Variants in RPRD1B observed in about 807,000 individuals in gnomAD.
The protein encoded by RPRD1B is regulation of nuclear pre-mRNA domain-containing protein 1B.
A neutral mutation model predicts 41.5 loss-of-function variants in RPRD1B; 11 were observed. The ratio of observed to expected loss-of-function variants is 0.27; its 90% confidence interval spans 0.17 to 0.44. RPRD1B has a LOEUF of 0.44. RPRD1B is among the 20% of genes least tolerant of loss of function. The probability of loss-of-function intolerance (pLI) is 1.00; values close to 1 mark genes in which losing one functional copy is unlikely to be tolerated. For missense variants in RPRD1B, 248 were observed against 389.9 expected (o/e 0.64, Z 3.06); for synonymous variants, 158 against 155.6 (o/e 1.02, Z -0.12).
At chr20:38,069,336 G>C (rs2122743081) in intron 6 of RPRD1B, among the ~76,000 whole-genome samples, 1 of 152,304 alleles carries the variant, frequency 6.6e-6, no homozygotes, top group East Asian at 1.9e-4. Context: ...CAAACCACTT[G>C]ATCGTACATA....
rs988250198 is a variant in RPRD1B, at chr20:38,091,996, A to C, written c.*2121A>C. 4 of 985,678 alleles carry C rather than the reference A, an allele frequency of 4.1e-6. No individual in the cohort carries two copies. Among genetic ancestry groups the C allele is most frequent in the Non-Finnish European group, 4.8e-6 (4 of 829,912 alleles). 61.1% of individuals were successfully genotyped at this position (985,678 alleles called of 1,614,324 possible). On this transcript the variant is annotated 3_prime_UTR_variant, in exon 7 of 7. Coordinates refer to ENST00000373433, the MANE Select transcript of RPRD1B (RefSeq NM_021215.4). The stretch of plus-strand genomic sequence containing the variant: ...TTTGATGAAATGCTTTCGTTTTTTA[A>C]ATCTTAATTCTGCTGTCCACATCCT...
At chr20:38,044,155 G>A (rs1411706764) in intron 2 of RPRD1B, among the ~76,000 whole-genome samples, 6 of 152,236 alleles carry the variant, frequency 3.9e-5, no homozygotes, top group South Asian at 2.1e-4. Context: ...TGCAGTACCC[G>A]CAGCAGACTG....
intron 6 of RPRD1B, among the ~76,000 whole-genome samples, chr20:38,078,368 T>G (rs2074484095): frequency 6.6e-6 from 1 of 152,180 alleles, no homozygotes; most frequent in Non-Finnish European, 1.5e-5. Flanking sequence ...TTGTTTACTT[T>G]CCATCAGTTA....
At chr20:38,056,424 T>C (rs1169872853) in intron 3 of RPRD1B, among the ~76,000 whole-genome samples, 4 of 152,134 alleles carry the variant, frequency 2.6e-5, no homozygotes. Context: ...CTCATGATAT[T>C]GACCTGGCTT....
At chr20:38,061,465 TCTG>T (rs1223214931) in intron 5 of RPRD1B, among the ~76,000 whole-genome samples, 2 of 152,232 alleles carry the variant, frequency 1.3e-5, no homozygotes, top group African/African-American at 4.8e-5. Context: ...GTGTATTAGA[TCTG>T]CTCCTTCTCA....
chr20:38,065,287 G>GT (rs1347142618), intron 5 of RPRD1B, among the ~76,000 whole-genome samples: 1 of 151,996 alleles, frequency 6.6e-6, no homozygotes, highest in Non-Finnish European at 1.5e-5. Flanking sequence ...CTGTCATGTA[G>GT]TTTTTTTTCT....
At chr20:38,062,663 A>C (rs1429336605) in intron 5 of RPRD1B, among the ~76,000 whole-genome samples, 1 of 152,020 alleles carries the variant, frequency 6.6e-6, no homozygotes, top group Non-Finnish European at 1.5e-5. Context: ...GATTTATTGC[A>C]GTAGCCTCCC....
intron 5 of RPRD1B, among the ~76,000 whole-genome samples, chr20:38,062,704 T>A (rs2074309974): frequency 6.6e-6 from 1 of 152,066 alleles, no homozygotes; most frequent in South Asian, 2.1e-4. Flanking sequence ...TTGTTCCTCT[T>A]GCTCAGCCAT....
intron 6 of RPRD1B, among the ~76,000 whole-genome samples, chr20:38,072,730 C>G (rs2074424469): frequency 6.6e-6 from 1 of 152,106 alleles, no homozygotes. Context: ...TTTACTGATG[C>G]ATTTGATATT....
At position 38,038,480 on chromosome 20, in the gene RPRD1B, T is replaced by TTTTTGTTTTG. The variant is rs1395411806; in HGVS notation, c.152-1950_152-1941dup. Among the ~76,000 whole-genome samples, 741 of 132,564 alleles carry TTTTTGTTTTG rather than the reference T, an allele frequency of 5.6e-3. 13 individuals carry two copies. Among genetic ancestry groups the TTTTTGTTTTG allele is most frequent in the South Asian group, 8.6e-3 (34 of 3,966 alleles). The allele number at this position is 132,564 out of a possible 152,430, so 87.0% of individuals were successfully genotyped here. A position where few individuals can be genotyped will look rare whatever the true frequency, so the allele number is the denominator to read the frequency against. On this transcript the variant is annotated intron_variant, in intron 1 of 6. Coordinates refer to ENST00000373433, the MANE Select transcript of RPRD1B (RefSeq NM_021215.4). ...GCCTGGCACCACGCCCGGCTGATTTTTTTTGTTTTGTTTTTTTTTTTTTTT... is the reference window on the plus strand; with the variant it reads ...GCCTGGCACCACGCCCGGCTGATTTTTTTTGTTTTGTTTTGTTTTGTTTTTTTTTTTTTTT...
chr20:38,057,559 G>C lies in RPRD1B; in HGVS notation c.443G>C (p.Arg148Pro). 1 of 1,614,014 alleles carries C rather than the reference G, an allele frequency of 6.2e-7. No individual in the cohort carries two copies. The highest frequency in any genetic ancestry group is 8.5e-7 in the Non-Finnish European group (1 of 1,179,914). The change falls in exon 4 of 7, where the codon CGA (arginine) becomes CCA (proline). Residue 148 changes from arginine (R) to proline (P), a missense_variant. Arg to Pro is a moderately radical substitution (Grantham distance 103). Around this residue, in one of 5 missense-constraint regions of RPRD1B, gnomAD observed 94 missense variants for 82.3 expected, o/e 1.14. Coordinates refer to ENST00000373433, the MANE Select transcript of RPRD1B (RefSeq NM_021215.4). ...KATEEKKSLK[R>P]TFQQIQEEED... The stretch of plus-strand genomic sequence containing the variant: ...ACAGAAGAGAAGAAATCTCTGAAAC[G>C]AACTTTTCAGCAAATTCAGGAGGAG...
intron 2 of RPRD1B, among the ~76,000 whole-genome samples, chr20:38,045,748 T>C (rs982136550): frequency 1.3e-5 from 2 of 152,212 alleles, no homozygotes; most frequent in African/African-American, 4.8e-5. Context: ...TCGAGACTGG[T>C]TTCTCTTTCT....
At chr20:38,059,131 G>A (rs1399968621) in intron 4 of RPRD1B, among the ~76,000 whole-genome samples, 2 of 152,092 alleles carry the variant, frequency 1.3e-5, no homozygotes, top group Admixed American at 1.3e-4. Context: ...CCAAAAACAT[G>A]TTCTTTTAGA....
Sources: gnomAD v4.1 joint callset for allele counts (sites outside exome capture counted in the v4.1 genomes callset) on GRCh38, gnomAD v4.1.1 for gene constraint, gnomAD v4.1.1 regional missense constraint, MANE v1.5 for transcripts, NCBI Gene and HGNC (gene_info 2026-07-23, HGNC 2026-07-21) for gene names.